Variants in MCF2L observed in about 807,000 individuals in gnomAD.
MCF2L encodes the protein guanine nucleotide exchange factor DBS.
In MCF2L, 97 loss-of-function variants were observed where a neutral mutation model predicts 153.4. The ratio of observed to expected loss-of-function variants is 0.63; its 90% CI spans 0.54 to 0.75. MCF2L has a LOEUF of 0.75. Among genes scored for constraint, MCF2L ranks in the 30% least tolerant of loss-of-function variants. The probability of loss-of-function intolerance (pLI) is 0.00; values close to 1 mark genes in which losing one functional copy is unlikely to be tolerated. For missense variants in MCF2L, 1,347 were observed against 1,495.2 expected, an observed-to-expected ratio of 0.90 and a Z score of 1.64; for synonymous variants, 659 against 632.2, an observed-to-expected ratio of 1.04 and a Z score of -0.64.
Position 113,046,710 on chromosome 13 carries a change from A to G in MCF2L, c.369+1349A>G. ...TCTTTAGGATGAGGCATCTCCTTGCACCCCCACGGCACCTCTCTGCCCCTC... is the reference window on the plus strand; with the variant it reads ...TCTTTAGGATGAGGCATCTCCTTGCGCCCCCACGGCACCTCTCTGCCCCTC... On this transcript the variant is annotated intron_variant, in intron 4 of 29. Coordinates refer to ENST00000535094, the MANE Select transcript of MCF2L (RefSeq NM_001112732.3). This position sits in a 1 kb window ranked among gnomAD's most constrained non-coding sequence, Gnocchi z 4.4. 1.9e-6 allele frequency: 1 copy of G among 519,870 alleles called. No individual in the cohort carries two copies. Among genetic ancestry groups the G allele is most frequent in the South Asian group, 1.4e-5 (1 of 70,366 alleles). The allele number at this position is 519,870 out of a possible 1,614,324, so 32.2% of individuals were successfully genotyped here.
intron 2 of MCF2L, among the ~76,000 whole-genome samples, chr13:112,928,207 G>A (rs1352943477): frequency 6.6e-6 from 1 of 152,208 alleles, no homozygotes; most frequent in Non-Finnish European, 1.5e-5. Flanking sequence ...TGGGGATGCG[G>A]GTGAAACGCG....
chr13:112,974,476 C>T (rs751763037), intron 1 of MCF2L, among the ~76,000 whole-genome samples: 15 of 152,166 alleles, frequency 9.9e-5, no homozygotes, highest in African/African-American at 2.4e-5. Flanking sequence ...TTTTCATAAG[C>T]CTGGCCCCTT....
intron 2 of MCF2L, chr13:112,958,225 T>A (rs1414399388): frequency 6.6e-6 from 1 of 152,242 alleles, no homozygotes; most frequent in Non-Finnish European, 1.5e-5. Context: ...ACGTGCGTGG[T>A]TCGTCTGTGC....
chr13:112,940,140 C>T (rs190339166), intron 2 of MCF2L, among the ~76,000 whole-genome samples: 58 of 152,226 alleles, frequency 3.8e-4, no homozygotes, highest in Non-Finnish European at 7.2e-4. Flanking sequence ...TGTTGAGGTG[C>T]GTCAGTTTCC....
Position 113,053,963 on chromosome 13 carries a change from A to G in MCF2L, c.370-6630A>G, listed in dbSNP as rs2087548309. ...AACTCTTGATGGGAGCTCAGTTCAC[A>G]CGGCTCCGAATCGGCGAAACGCAAC... On this transcript the variant is annotated intron_variant, in intron 4 of 29. Transcript: ENST00000535094. The surrounding 1 kb of genome is among the most constrained non-coding windows in gnomAD (Gnocchi z 4.4). Among the ~76,000 whole-genome samples the G allele has an allele frequency of 6.6e-6, 1 of 152,142 alleles. No homozygotes were observed. The highest frequency in any genetic ancestry group is 2.1e-4 in the South Asian group (1 of 4,826).
chr13:113,086,022 T>G (rs1051443435), intron 20 of MCF2L, 102 bp from the exon 21 acceptor site: 1 of 1,263,090 alleles, frequency 7.9e-7, no homozygotes, highest in East Asian at 2.8e-5. Context: ...CAGGGGAGGG[T>G]GAGCAGCATC....
In MCF2L at chr13:113,064,087, C is replaced by A. The variant is rs1157796032; in HGVS notation, c.490-217C>A. On this transcript the variant is annotated intron_variant, in intron 5 of 29. Transcript: ENST00000535094. This position sits in a 1 kb window ranked among gnomAD's most constrained non-coding sequence, Gnocchi z 6.0. ...TCTCCATCATAAGGGCCATAACACA[C>A]ACACGCCACCACGAGAGGAGGTGTC... Among the ~76,000 whole-genome samples the A allele has an allele frequency of 6.6e-6, 1 of 152,190 alleles. No individual in the cohort carries two copies. Among genetic ancestry groups the A allele is most frequent in the Non-Finnish European group, 1.5e-5 (1 of 68,032 alleles).
chr13:113,064,663 T>C lies in MCF2L; in HGVS notation c.606+243T>C, dbSNP rs1471147870. On this transcript the variant is annotated intron_variant, in intron 6 of 29. Coordinates refer to ENST00000535094, the MANE Select transcript of MCF2L (RefSeq NM_001112732.3). This position sits in a 1 kb window ranked among gnomAD's most constrained non-coding sequence, Gnocchi z 6.0. ...CAAAAAAAAAAAAAAAACCCTTGCG[T>C]TGTGGTTTGCAACACTCACTGCTCT... The C allele has an allele frequency of 5.2e-6, 3 of 579,302 alleles. No individual in the cohort carries two copies. The highest frequency in any genetic ancestry group is 9.2e-6 in the Non-Finnish European group (3 of 327,756). 35.9% of individuals were successfully genotyped at this position (579,302 alleles called of 1,614,324 possible).
rs568329527 is a variant in MCF2L, at chr13:112,994,206, C to T, written c.80-20557C>T. Among the ~76,000 whole-genome samples the T allele has an allele frequency of 1.7e-4, 25 of 147,582 alleles. No homozygotes were observed. In the South Asian group the frequency reaches 2.0e-3, roughly 12 times the overall value. On this transcript the variant is annotated intron_variant, in intron 1 of 29. Coordinates refer to ENST00000535094, the MANE Select transcript of MCF2L (RefSeq NM_001112732.3). Reference sequence around the variant, plus strand: ...TCTCGGGCAGGGGCGTGGCTGCCAACGGGGCACGGTGCGTGGGATGCCAAG... The same window carrying T: ...TCTCGGGCAGGGGCGTGGCTGCCAATGGGGCACGGTGCGTGGGATGCCAAG...
intron 2 of MCF2L, among the ~76,000 whole-genome samples, chr13:112,911,013 G>A (rs1189538185): frequency 6.7e-6 from 1 of 149,192 alleles, no homozygotes; most frequent in Non-Finnish European, 1.5e-5. Flanking sequence ...GGGTGGGGGC[G>A]GGGCGGGGGT....
chr13:112,910,965 C>T (rs2081224674), intron 2 of MCF2L, among the ~76,000 whole-genome samples: 1 of 145,876 alleles, frequency 6.9e-6, no homozygotes, highest in Non-Finnish European at 1.5e-5. Context: ...GCAGCCAAAA[C>T]GCAGGCCAGG....
intron 4 of MCF2L, among the ~76,000 whole-genome samples, chr13:113,049,079 G>A (rs1272526364): frequency 6.7e-6 from 1 of 150,188 alleles, no homozygotes; most frequent in Non-Finnish European, 1.5e-5. Context: ...TGCAGGAGGG[G>A]CATGAGAAAC....
At position 112,998,676 on chromosome 13, in the gene MCF2L, C is replaced by A. The variant is rs1233838128; in HGVS notation, c.80-16087C>A. Reference sequence around the variant, plus strand: ...TTGGCTTCTCTACTGCGCTCCCGATCCCAGGTGTGGGGTCGATTCTGTCTT... The same window carrying A: ...TTGGCTTCTCTACTGCGCTCCCGATACCAGGTGTGGGGTCGATTCTGTCTT... On this transcript the variant is annotated intron_variant, in intron 1 of 29. Coordinates refer to ENST00000535094, the MANE Select transcript of MCF2L (RefSeq NM_001112732.3). 5.3e-5 allele frequency among the ~76,000 whole-genome samples: 8 copies of A among 152,336 alleles called. No individual in the cohort carries two copies. The East Asian group carries it at 1.3e-3, about 26-fold the overall frequency.
chr13:113,089,796 G>A, intron 26 of MCF2L, 68 bp downstream of exon 26: 1 of 1,596,060 alleles, frequency 6.3e-7, no homozygotes, highest in South Asian at 1.1e-5. Context: ...AGTGCTCACT[G>A]CATCCGAGAA....
intron 1 of MCF2L, among the ~76,000 whole-genome samples, chr13:113,011,126 A>G (rs894360800): frequency 6.6e-6 from 1 of 152,232 alleles, no homozygotes; most frequent in Non-Finnish European, 1.5e-5. Flanking sequence ...GAAGGCCTCC[A>G]TGAAGAACGG....
At chr13:113,005,538 G>A (rs74115732) in intron 1 of MCF2L, among the ~76,000 whole-genome samples, 105 of 152,054 alleles carry the variant, frequency 6.9e-4, no homozygotes, top group African/African-American at 2.4e-3. Flanking sequence ...TGTGGTGGCC[G>A]TGGTTGGTTC....
upstream of MCF2L, chr13:112,966,097 A>T (rs2081890399): frequency 6.6e-6 from 1 of 152,236 alleles, no homozygotes; most frequent in Non-Finnish European, 1.5e-5. This position sits in a 1 kb window ranked among gnomAD's most constrained non-coding sequence, Gnocchi z 4.1. Context: ...CCAATAGTTT[A>T]CAGCATGGGG....
At chr13:113,003,679 G>C (rs527608233) in intron 1 of MCF2L, among the ~76,000 whole-genome samples, 1 of 152,166 alleles carries the variant, frequency 6.6e-6, no homozygotes, top group Non-Finnish European at 1.5e-5. Context: ...GATCAGACCC[G>C]GGACCTGCTC....
At chr13:112,914,305 C>A (rs1407189695) in intron 2 of MCF2L, among the ~76,000 whole-genome samples, 1 of 152,234 alleles carries the variant, frequency 6.6e-6, no homozygotes, top group African/African-American at 2.4e-5. Context: ...ATAGCGTCTG[C>A]ACGCTTCTCC....
Sources: allele counts gnomAD v4.1 joint callset (sites outside exome capture counted in the v4.1 genomes callset), GRCh38; gene constraint gnomAD v4.1.1; non-coding constraint Gnocchi (gnomAD v3.1); transcripts MANE v1.5; gene names NCBI Gene and HGNC (gene_info 2026-07-23, HGNC 2026-07-21).